The following AGAP1 variants were observed in gnomAD, a reference collection of about 807,000 sequenced individuals.
AGAP1 encodes arf-GAP with GTPase, ANK repeat and PH domain-containing protein 1.
A neutral mutation model predicts 105.3 loss-of-function variants in AGAP1; 29 were observed. The observed-to-expected ratio is 0.28, with a 90% confidence interval of 0.21 to 0.38. AGAP1 has a LOEUF of 0.38. Ranked by LOEUF, AGAP1 falls within the 10% of genes least tolerant of loss-of-function variation. The probability of loss-of-function intolerance (pLI) is 1.00; values close to 1 mark genes in which losing one functional copy is unlikely to be tolerated. For missense variants in AGAP1, 998 were observed against 1,165.1 expected, an observed-to-expected ratio of 0.86 and a Z score of 2.09; for synonymous variants, 509 against 485.9, an observed-to-expected ratio of 1.05 and a Z score of -0.63.
rs370816440 is a variant in AGAP1, at chr2:236,104,243, T to G, written c.2115-15949T>G. Among the ~76,000 whole-genome samples the G allele has an allele frequency of 4.0e-4, 61 of 152,332 alleles. No individual in the cohort carries two copies. The East Asian group carries it at 9.7e-3, about 24-fold the overall frequency. On this transcript the variant is annotated intron_variant, in intron 16 of 17. Coordinates refer to ENST00000304032, the MANE Select transcript of AGAP1 (RefSeq NM_001037131.3). This position sits in a 1 kb window ranked among gnomAD's most constrained non-coding sequence, Gnocchi z 4.7. ...CAGGCCTGTTGGCTGCTGTGAGAGA[T>G]ACGCCACCAGGCCAGGCTGACATGG...
rs1029927335 is a variant in AGAP1 at position 235,992,713 on chromosome 2, G to A, written c.1645+24090G>A. Reference sequence around the variant, plus strand: ...GACTCTTCAACTCACCAAGAATATCGTGGCCGCTGAGGTCCTGCACACCTG... The same window carrying A: ...GACTCTTCAACTCACCAAGAATATCATGGCCGCTGAGGTCCTGCACACCTG... On this transcript the variant is annotated intron_variant, in intron 13 of 17. Transcript: ENST00000304032. The surrounding 1 kb of genome is among the most constrained non-coding windows in gnomAD (Gnocchi z 4.8). 2.0e-5 allele frequency among the ~76,000 whole-genome samples: 3 copies of A among 152,148 alleles called. No individual in the cohort carries two copies. The highest frequency in any genetic ancestry group is 2.9e-5 in the Non-Finnish European group (2 of 68,032).
Position 235,690,710 on chromosome 2 carries a change from G to T in AGAP1, c.164-18469G>T, listed in dbSNP as rs962024835. Among the ~76,000 whole-genome samples, 1 of 152,142 alleles carries T rather than the reference G, an allele frequency of 6.6e-6. No individual in the cohort carries two copies. Among genetic ancestry groups the T allele is most frequent in the African/African-American group, 2.4e-5 (1 of 41,434 alleles). Reference sequence around the variant, plus strand: ...CTTTGGAAAGAGGTGCAGGCTTCCGGCTATTGGTAGACACCTGTCTGCTTG... The same window carrying T: ...CTTTGGAAAGAGGTGCAGGCTTCCGTCTATTGGTAGACACCTGTCTGCTTG... On this transcript the variant is annotated intron_variant, in intron 1 of 17. Coordinates refer to ENST00000304032, the MANE Select transcript of AGAP1 (RefSeq NM_001037131.3). The surrounding 1 kb of genome is among the most constrained non-coding windows in gnomAD (Gnocchi z 4.1).
intron 1 of AGAP1, among the ~76,000 whole-genome samples, chr2:235,669,355 A>C (rs1034285032): frequency 3.9e-5 from 6 of 152,126 alleles, no homozygotes; most frequent in African/African-American, 1.4e-4. Context: ...CAGGTGAGAC[A>C]TGCCCCTCGT....
At chr2:236,041,207 A>G (rs1455009091) in intron 15 of AGAP1, among the ~76,000 whole-genome samples, 1 of 152,158 alleles carries the variant, frequency 6.6e-6, no homozygotes, top group Non-Finnish European at 1.5e-5. Flanking sequence ...ACAGAAAATT[A>G]AAAATTAACT....
At position 235,770,681 on chromosome 2, in the gene AGAP1, A is replaced by C. The variant is rs540078520; in HGVS notation, c.673+20193A>C. On this transcript the variant is annotated intron_variant, in intron 6 of 17. Coordinates refer to ENST00000304032, the MANE Select transcript of AGAP1 (RefSeq NM_001037131.3). Reference sequence around the variant, plus strand: ...TCAGAATCATTTCAGACTTTTATTTAAACTGCTTAGAAAAGCTGGTGGATT... The same window carrying C: ...TCAGAATCATTTCAGACTTTTATTTCAACTGCTTAGAAAAGCTGGTGGATT... 2.0e-5 allele frequency among the ~76,000 whole-genome samples: 3 copies of C among 151,406 alleles called. No individual in the cohort carries two copies. In the South Asian group the frequency reaches 6.3e-4, roughly 32 times the overall value.
intron 13 of AGAP1, among the ~76,000 whole-genome samples, chr2:236,007,088 G>GT (rs1268223675): frequency 4.0e-3 from 2 of 502 alleles, no homozygotes; most frequent in Admixed American, 0.038. Context: ...TTTAAAGGAA[G>GT]GATTTCCATA....
rs527381963 is a variant in AGAP1, at chr2:235,665,218, A to G, written c.164-43961A>G. Among the ~76,000 whole-genome samples, 9 of 152,312 alleles carry G rather than the reference A, an allele frequency of 5.9e-5. No individual in the cohort carries two copies. The highest frequency in any genetic ancestry group is 1.3e-4 in the Admixed American group (2 of 15,294). ...TCTGTGTGGTGGTGTGTTCATACAC[A>G]ATAGACATCGCCAGTGTTCTGTTGG... On this transcript the variant is annotated intron_variant, in intron 1 of 17. Transcript: ENST00000304032. This position sits in a 1 kb window ranked among gnomAD's most constrained non-coding sequence, Gnocchi z 5.3.
chr2:235,990,259 C>T (rs10182721), intron 13 of AGAP1, among the ~76,000 whole-genome samples: 85,775 of 152,122 alleles, frequency 0.56, 24,275 homozygotes, highest in South Asian at 0.67. Context: ...CTCCTTAAAG[C>T]ACCCATCTCT....
In AGAP1 at chr2:235,573,038, T is replaced by TTCTTC. The variant is rs1559258809; in HGVS notation, c.163+78189_163+78190insTCTTC. On this transcript the variant is annotated intron_variant, in intron 1 of 17. Transcript: ENST00000304032. The stretch of plus-strand genomic sequence containing the variant: ...TTCTTCTTCTTCTTCTTCTTCTTCT[T>TTCTTC]CTTCTTCTTCTTCTTCTTCTTCTTT... Among the ~76,000 whole-genome samples the TTCTTC allele has an allele frequency of 1.2e-3, 31 of 26,554 alleles. 1 individual carries two copies. The highest frequency in any genetic ancestry group is 5.5e-3 in the African/African-American group (31 of 5,662). 17.4% of individuals were successfully genotyped at this position (26,554 alleles called of 152,430 possible).
chr2:235,987,129 T>TTATG (rs2055346590), intron 13 of AGAP1, among the ~76,000 whole-genome samples: 1 of 151,138 alleles, frequency 6.6e-6, no homozygotes, highest in East Asian at 1.9e-4. Context: ...ATTTATTTAT[T>TTATG]TATTTATTTA....
intron 1 of AGAP1, chr2:235,671,035 C>T: frequency 7.7e-7 from 1 of 1,292,306 alleles, no homozygotes. Context: ...GCGCCGAGAG[C>T]ATCGACGGCT....
intron 1 of AGAP1, among the ~76,000 whole-genome samples, chr2:235,706,474 C>G (rs573941546): frequency 6.6e-6 from 1 of 152,122 alleles, no homozygotes; most frequent in Non-Finnish European, 1.5e-5. Flanking sequence ...GTGATCCGCC[C>G]GCCTCGGCCT....
rs1160194339 is a variant in AGAP1, at chr2:235,552,207, T to A, written c.163+57358T>A. ...CTGGCCGCGGTAGTCTGGACAGGGCTTCTGAGAACCACCTGCAGTTCTGCT... is the reference window on the plus strand; with the variant it reads ...CTGGCCGCGGTAGTCTGGACAGGGCATCTGAGAACCACCTGCAGTTCTGCT... On this transcript the variant is annotated intron_variant, in intron 1 of 17. Transcript: ENST00000304032. This position sits in a 1 kb window ranked among gnomAD's most constrained non-coding sequence, Gnocchi z 5.9. 6.6e-6 allele frequency among the ~76,000 whole-genome samples: 1 copy of A among 152,178 alleles called. No homozygotes were observed. Among genetic ancestry groups the A allele is most frequent in the Admixed American group, 6.5e-5 (1 of 15,276 alleles).
At chr2:235,829,003 A>G (rs1575570903) in intron 9 of AGAP1, among the ~76,000 whole-genome samples, 2 of 152,228 alleles carry the variant, frequency 1.3e-5, no homozygotes, top group Admixed American at 1.3e-4. Context: ...GTGGACTGGT[A>G]CAGAGTTCAG....
chr2:236,104,602 G>GT lies in AGAP1; in HGVS notation c.2115-15589dup. Among the ~76,000 whole-genome samples the GT allele has an allele frequency of 6.6e-6, 1 of 152,238 alleles. No individual in the cohort carries two copies. The highest frequency in any genetic ancestry group is 1.5e-5 in the Non-Finnish European group (1 of 68,002). On this transcript the variant is annotated intron_variant, in intron 16 of 17. Transcript: ENST00000304032. The surrounding 1 kb of genome is among the most constrained non-coding windows in gnomAD (Gnocchi z 4.7). Reference sequence around the variant, plus strand: ...TCCAACTTGGGTTACAAAGACAAGCGTGCACAGGCCAGGCGCGGTGGCTCA... The same window carrying GT: ...TCCAACTTGGGTTACAAAGACAAGCGTTGCACAGGCCAGGCGCGGTGGCTCA...
rs2059006195 is a variant in AGAP1, at chr2:236,089,439, G to A, written c.2115-30753G>A. The stretch of plus-strand genomic sequence containing the variant: ...ATGAACTGCATGCTGGAGATAAAGC[G>A]CCTACTAGGCTGCCGGGTACTGGCA... On this transcript the variant is annotated intron_variant, in intron 16 of 17. Coordinates refer to ENST00000304032, the MANE Select transcript of AGAP1 (RefSeq NM_001037131.3). The surrounding 1 kb of genome is among the most constrained non-coding windows in gnomAD (Gnocchi z 5.6). 6.6e-6 allele frequency among the ~76,000 whole-genome samples: 1 copy of A among 152,202 alleles called. No individual in the cohort carries two copies. The highest frequency in any genetic ancestry group is 6.5e-5 in the Admixed American group (1 of 15,282).
At chr2:236,102,772 G>C (rs10209712) in intron 16 of AGAP1, among the ~76,000 whole-genome samples, 1 of 152,038 alleles carries the variant, frequency 6.6e-6, no homozygotes, top group African/African-American at 2.4e-5. Flanking sequence ...TAAACGTCCC[G>C]TGTTTTGTTG....
intron 1 of AGAP1, among the ~76,000 whole-genome samples, chr2:235,505,202 G>A (rs1191138751): frequency 6.6e-6 from 1 of 152,222 alleles, no homozygotes; most frequent in Non-Finnish European, 1.5e-5. Context: ...TTCAGTTTTT[G>A]TTGTTTGTAG....
At position 235,988,840 on chromosome 2, in the gene AGAP1, G is replaced by A. The variant is rs369869964; in HGVS notation, c.1645+20217G>A. On this transcript the variant is annotated intron_variant, in intron 13 of 17. Coordinates refer to ENST00000304032, the MANE Select transcript of AGAP1 (RefSeq NM_001037131.3). This position sits in a 1 kb window ranked among gnomAD's most constrained non-coding sequence, Gnocchi z 4.7. The stretch of plus-strand genomic sequence containing the variant: ...GTTTCCCAGACTGGGCGTCACTGTC[G>A]CCTCCTTGACTCTCATCACTCACAT... Among the ~76,000 whole-genome samples, 3 of 152,038 alleles carry A rather than the reference G, an allele frequency of 2.0e-5. No individual in the cohort carries two copies. The highest frequency in any genetic ancestry group is 4.8e-5 in the African/African-American group (2 of 41,392).
Sources: allele counts gnomAD v4.1 joint callset (sites outside exome capture counted in the v4.1 genomes callset), GRCh38; gene constraint gnomAD v4.1.1; non-coding constraint Gnocchi (gnomAD v3.1); transcripts MANE v1.5; gene names NCBI Gene and HGNC (gene_info 2026-07-23, HGNC 2026-07-21).